Variants in NLGN1 observed in about 807,000 individuals in gnomAD.
NLGN1 encodes the protein neuroligin-1.
In NLGN1, 12 loss-of-function variants were observed where a neutral mutation model predicts 65.5. The observed-to-expected ratio is 0.18, with a 90% CI of 0.12 to 0.30. NLGN1 has a LOEUF of 0.30. Among genes scored for constraint, NLGN1 ranks in the 10% least tolerant of loss-of-function variants. NLGN1 has a pLI of 1.00. For synonymous variants in NLGN1, 350 were observed against 359.5 expected (o/e 0.97, Z 0.30); for missense variants, 750 against 1,007.1 (o/e 0.74, Z 3.46).
At position 173,497,894 on chromosome 3, in the gene NLGN1, A is replaced by T. The variant is rs144840551; in HGVS notation, c.-321+62816A>T. Among the ~76,000 whole-genome samples, 808 of 151,936 alleles carry T rather than the reference A, an allele frequency of 5.3e-3. 26 individuals carry two copies. The highest frequency in any genetic ancestry group is 0.019 in the African/African-American group (786 of 41,262). On this transcript the variant is annotated intron_variant, in intron 2 of 6. Transcript: ENST00000457714. The stretch of plus-strand genomic sequence containing the variant: ...AAACAATAATGCAATAAATATCTTT[A>T]TATATATGAATGTATCTGATAATTT...
chr3:174,229,060 C>T (rs1740227909), intron 4 of NLGN1, among the ~76,000 whole-genome samples: 2 of 152,122 alleles, frequency 1.3e-5, no homozygotes, highest in South Asian at 4.1e-4. Context: ...AGCTCTGCTA[C>T]TTCCTGGCTG....
intron 3 of NLGN1, among the ~76,000 whole-genome samples, chr3:173,799,457 T>C (rs995577600): frequency 6.6e-6 from 1 of 151,982 alleles, no homozygotes; most frequent in Non-Finnish European, 1.5e-5. Flanking sequence ...TTAATACAAT[T>C]ATTCTCCTCA....
At chr3:173,813,384 C>A (rs140803029) in intron 4 of NLGN1, among the ~76,000 whole-genome samples, 4 of 152,078 alleles carry the variant, frequency 2.6e-5, no homozygotes, top group Admixed American at 2.6e-4. Flanking sequence ...AAATTTTATG[C>A]GATTGTAATA....
chr3:173,898,723 T>C (rs908461195), intron 4 of NLGN1, among the ~76,000 whole-genome samples: 1 of 152,172 alleles, frequency 6.6e-6, no homozygotes, highest in Non-Finnish European at 1.5e-5. Flanking sequence ...AATCCATTTT[T>C]AGTAGTAGGA....
chr3:173,757,212 G>A (rs960918763), intron 3 of NLGN1, among the ~76,000 whole-genome samples: 20 of 152,038 alleles, frequency 1.3e-4, no homozygotes, highest in Admixed American at 3.9e-4. Context: ...TTGGATGAAA[G>A]GTTAATGGGA....
intron 3 of NLGN1, among the ~76,000 whole-genome samples, chr3:173,795,024 G>T (rs1713726681): frequency 6.6e-6 from 1 of 151,942 alleles, no homozygotes; most frequent in Admixed American, 6.6e-5. Flanking sequence ...CTGTCTGAAG[G>T]AATATATTTT....
At chr3:173,478,443 A>G (rs1449885602) in intron 2 of NLGN1, among the ~76,000 whole-genome samples, 2 of 152,220 alleles carry the variant, frequency 1.3e-5, no homozygotes, top group Non-Finnish European at 2.9e-5. Context: ...GCTAATGCAT[A>G]CAGGGCTTAA....
chr3:174,270,143 A>C (rs1170085041), intron 4 of NLGN1, among the ~76,000 whole-genome samples: 1 of 69,066 alleles, frequency 1.4e-5, no homozygotes, highest in East Asian at 4.6e-4. Flanking sequence ...TTTTTTTTTG[A>C]TGTGCAGATG....
intron 4 of NLGN1, among the ~76,000 whole-genome samples, chr3:174,259,382 T>G (rs1036076919): frequency 6.6e-6 from 1 of 152,078 alleles, no homozygotes; most frequent in Non-Finnish European, 1.5e-5. Flanking sequence ...TCTCTTGCTC[T>G]CTCTCTCTCC....
intron 4 of NLGN1, among the ~76,000 whole-genome samples, chr3:174,147,292 C>A (rs1723459380): frequency 6.6e-6 from 1 of 152,022 alleles, no homozygotes; most frequent in South Asian, 2.1e-4. Flanking sequence ...TCAGAGCGCA[C>A]GGGCCCCACC....
intron 3 of NLGN1, among the ~76,000 whole-genome samples, chr3:173,647,211 T>C (rs1375837056): frequency 6.6e-6 from 1 of 152,044 alleles, no homozygotes; most frequent in Non-Finnish European, 1.5e-5. Context: ...TGATCAAACT[T>C]CAAGGAGAAA....
intron 3 of NLGN1, among the ~76,000 whole-genome samples, chr3:173,762,111 G>A (rs1183475439): frequency 6.6e-6 from 1 of 152,060 alleles, no homozygotes; most frequent in African/African-American, 2.4e-5. Flanking sequence ...TCCAGGACAG[G>A]AATAAGCCAA....
chr3:174,045,586 C>A (rs1383965375), intron 4 of NLGN1, among the ~76,000 whole-genome samples: 1 of 152,100 alleles, frequency 6.6e-6, no homozygotes, highest in Non-Finnish European at 1.5e-5. Flanking sequence ...GTGTGCCAAT[C>A]ATACATTTTA....
intron 3 of NLGN1, among the ~76,000 whole-genome samples, chr3:173,626,304 T>A (rs2149522252): frequency 6.6e-6 from 1 of 152,200 alleles, no homozygotes; most frequent in East Asian, 1.9e-4. Flanking sequence ...AGAAAAATCA[T>A]CTTGGATTTT....
intron 4 of NLGN1, among the ~76,000 whole-genome samples, chr3:174,240,572 G>A (rs16858344): frequency 0.11 from 16,970 of 152,056 alleles, 1,688 homozygotes; most frequent in African/African-American, 0.26. Context: ...CCAACAATAG[G>A]ATATCTAGAA....
At chr3:174,258,131 TTGTGCCAAAGAA>T (rs1274531574) in intron 4 of NLGN1, among the ~76,000 whole-genome samples, 2 of 152,058 alleles carry the variant, frequency 1.3e-5, no homozygotes, top group Non-Finnish European at 2.9e-5. Context: ...GCTGTATTTA[TTGTGCCAAAGAA>T]AAGATGTGTT....
chr3:173,551,292 A>G (rs766593578), intron 2 of NLGN1, among the ~76,000 whole-genome samples: 1 of 152,216 alleles, frequency 6.6e-6, no homozygotes, highest in Non-Finnish European at 1.5e-5. Flanking sequence ...TTTAGAAAAC[A>G]AACCACAAAA....
intron 4 of NLGN1, among the ~76,000 whole-genome samples, chr3:174,068,818 A>G (rs559909861): frequency 6.6e-5 from 10 of 152,292 alleles, no homozygotes; most frequent in Admixed American, 1.3e-4. Flanking sequence ...GTGAGGTCAA[A>G]TAGATTTTTT....
intron 4 of NLGN1, among the ~76,000 whole-genome samples, chr3:173,979,738 T>C (rs1424277008): frequency 2.6e-5 from 4 of 152,148 alleles, no homozygotes; most frequent in Admixed American, 2.0e-4. Context: ...TGTATATCCA[T>C]AGTATTTTTG....
Sources: gnomAD v4.1 joint callset for allele counts (sites outside exome capture counted in the v4.1 genomes callset) on GRCh38, gnomAD v4.1.1 for gene constraint, MANE v1.5 for transcripts, NCBI Gene and HGNC (gene_info 2026-07-23, HGNC 2026-07-21) for gene names.